The following PCDHA4 variants were observed in gnomAD, a reference collection of about 807,000 sequenced individuals.
PCDHA4 encodes the protein protocadherin alpha 4.
A neutral mutation model predicts 61.4 loss-of-function variants in PCDHA4; 49 were observed. That is an observed-to-expected ratio of 0.80 (90% CI 0.63 to 1.01). The LOEUF (loss-of-function observed/expected upper bound fraction) is 1.01. Ranked by LOEUF, PCDHA4 falls within the 50% of genes least tolerant of loss-of-function variation. The pLI, the probability that PCDHA4 is intolerant of heterozygous loss-of-function variation, is 0.00. For synonymous variants in PCDHA4, 590 were observed against 550.3 expected, an observed-to-expected ratio of 1.07 and a Z score of -1.01; for missense variants, 1,254 against 1,235.8, an observed-to-expected ratio of 1.01 and a Z score of -0.22.
At chr5:140,832,466 T>A (rs1022367825) in intron 1 of PCDHA4, among the ~76,000 whole-genome samples, 6 of 152,304 alleles carry the variant, frequency 3.9e-5, no homozygotes, top group Admixed American at 1.3e-4. Flanking sequence ...CACTAAAATT[T>A]AAAAAAACTA....
At chr5:140,869,628 T>A (rs1562631338) in intron 1 of PCDHA4, 1 of 1,613,700 alleles carries the variant, frequency 6.2e-7, no homozygotes. Flanking sequence ...TAAGTAAAAA[T>A]GAGTATTTTT....
At chr5:140,826,364 C>T (rs1768919207) in intron 1 of PCDHA4, among the ~76,000 whole-genome samples, 1 of 152,040 alleles carries the variant, frequency 6.6e-6, no homozygotes, top group Non-Finnish European at 1.5e-5. Context: ...AAAATAACTG[C>T]AATAGAAAGT....
At chr5:140,902,953 C>T (rs549407032) in intron 1 of PCDHA4, among the ~76,000 whole-genome samples, 24 of 152,278 alleles carry the variant, frequency 1.6e-4, no homozygotes, top group East Asian at 1.3e-3. Flanking sequence ...TCTTTATCCA[C>T]TTGTTGGCTG....
Position 140,938,565 on chromosome 5 carries a change from A to G in PCDHA4, c.2386-40384A>G, listed in dbSNP as rs1347602327. Among the ~76,000 whole-genome samples the G allele has an allele frequency of 2.0e-5, 3 of 151,630 alleles. No individual in the cohort carries two copies. The East Asian group carries it at 5.8e-4, about 29-fold the overall frequency. On this transcript the variant is annotated intron_variant, in intron 1 of 3. Coordinates refer to ENST00000530339, the MANE Select transcript of PCDHA4 (RefSeq NM_018907.4). ...TTTTATCCTTTTATTAATAGCATGC[A>G]TTATATTGGTTGATTTGTTAATGAT...
Position 140,890,095 on chromosome 5 carries a change from C to T in PCDHA4, c.2385+80523C>T, listed in dbSNP as rs1237299507. On this transcript the variant is annotated intron_variant, in intron 1 of 3. Coordinates refer to ENST00000530339, the MANE Select transcript of PCDHA4 (RefSeq NM_018907.4). ...TGAGAACTGATAATGCAAATTTATT[C>T]CCAACTCTGGATTCAATGATGTCAC... Among the ~76,000 whole-genome samples the T allele has an allele frequency of 2.6e-5, 4 of 152,128 alleles. 1 individual carries two copies. The highest frequency in any genetic ancestry group is 1.3e-4 in the Admixed American group (2 of 15,262).
At chr5:140,882,991 AT>A (rs1554176407) in intron 1 of PCDHA4, 2 of 1,614,112 alleles carry the variant, frequency 1.2e-6, no homozygotes, top group Non-Finnish European at 1.7e-6. Flanking sequence ...ACGCCCCGGA[AT>A]TTTACCAATC....
rs1165097192 is a variant in PCDHA4, at chr5:140,945,230, A to G, written c.2386-33719A>G. Among the ~76,000 whole-genome samples the G allele has an allele frequency of 2.6e-5, 4 of 152,290 alleles. No individual in the cohort carries two copies. In the East Asian group the frequency reaches 7.7e-4, roughly 29 times the overall value. On this transcript the variant is annotated intron_variant, in intron 1 of 3. Transcript: ENST00000530339. ...TATGAGAAAATAAAAATACTTAGGA[A>G]TAAATTTAACCAAGAGGATGAAAGA...
intron 1 of PCDHA4, chr5:140,861,780 G>A (rs2047084073): frequency 1.2e-5 from 2 of 161,142 alleles, no homozygotes; most frequent in African/African-American, 2.4e-5. Flanking sequence ...CCAAGAGCAG[G>A]TAAAACCACT....
intron 3 of PCDHA4, among the ~76,000 whole-genome samples, chr5:141,000,006 C>T (rs1453937377): frequency 1.3e-5 from 2 of 151,992 alleles, no homozygotes; most frequent in Admixed American, 1.3e-4. Context: ...TTAGATTGGC[C>T]TCCCCATTGC....
At chr5:140,879,939 T>C (rs1554171083) in intron 1 of PCDHA4, among the ~76,000 whole-genome samples, 1 of 152,194 alleles carries the variant, frequency 6.6e-6, no homozygotes. Flanking sequence ...TGTGATTGTA[T>C]TTAGGGCCCA....
intron 1 of PCDHA4, among the ~76,000 whole-genome samples, chr5:140,946,184 C>T (rs2093899107): frequency 6.6e-6 from 1 of 151,990 alleles, no homozygotes; most frequent in African/African-American, 2.4e-5. Context: ...TGTGAATAGA[C>T]ATTTCTCAAA....
At position 140,849,493 on chromosome 5, in the gene PCDHA4, A is replaced by G. The variant is rs2150439016; in HGVS notation, c.2385+39921A>G. ...AAAGGCTTCCCACCCCTGGCTGGTC[A>G]TTGTACACTTCTTGTGGAAGTTGTG... On this transcript the variant is annotated intron_variant, in intron 1 of 3. Transcript: ENST00000530339. 4.4e-6 allele frequency: 7 copies of G among 1,593,210 alleles called. 2 individuals are homozygous for G. Among genetic ancestry groups the G allele is most frequent in the Non-Finnish European group, 3.4e-6 (4 of 1,164,850 alleles).
chr5:140,895,253 C>CT (rs1411327383), intron 1 of PCDHA4, among the ~76,000 whole-genome samples: 1 of 151,966 alleles, frequency 6.6e-6, no homozygotes. Context: ...TCAAAGCTTT[C>CT]TTTTTTTTCT....
chr5:140,927,632 C>G (rs2084445013), intron 1 of PCDHA4: 2 of 1,614,142 alleles, frequency 1.2e-6, no homozygotes, highest in Non-Finnish European at 1.7e-6. Context: ...GAGACTGCAC[C>G]CAATGGGACT....
intron 1 of PCDHA4, chr5:140,969,476 A>G: frequency 6.8e-7 from 1 of 1,473,576 alleles, no homozygotes; most frequent in Non-Finnish European, 9.0e-7. Context: ...CAATTTGATC[A>G]TAATCTGCTA....
At chr5:140,886,664 A>G (rs1404216677) in intron 1 of PCDHA4, among the ~76,000 whole-genome samples, 1 of 151,922 alleles carries the variant, frequency 6.6e-6, no homozygotes, top group East Asian at 1.9e-4. Flanking sequence ...TGTCTCTACT[A>G]AAAATACAAA....
Position 140,843,585 on chromosome 5 carries a change from C to T in PCDHA4, c.2385+34013C>T, listed in dbSNP as rs2150363108. ...AGCTGGTCATACTCGCAACAACAGC[C>T]GCAGAGGGTGTGCTCTGGTGAGGGG... On this transcript the variant is annotated intron_variant, in intron 1 of 3. Coordinates refer to ENST00000530339, the MANE Select transcript of PCDHA4 (RefSeq NM_018907.4). 2.5e-6 allele frequency: 4 copies of T among 1,596,014 alleles called. No homozygotes were observed. The South Asian group carries it at 4.4e-5, about 18-fold the overall frequency.
intron 1 of PCDHA4, among the ~76,000 whole-genome samples, chr5:140,945,334 A>G (rs1352254498): frequency 6.6e-6 from 1 of 152,134 alleles, no homozygotes; most frequent in Non-Finnish European, 1.5e-5. Flanking sequence ...TTTTATGTTC[A>G]TAGCTTGGAA....
intron 1 of PCDHA4, chr5:140,816,912 T>C (rs1425920836): frequency 2.0e-5 from 3 of 152,200 alleles, no homozygotes; most frequent in Admixed American, 2.0e-4. Flanking sequence ...CCCTCAGTTA[T>C]AGATTCTGCT....
Sources: gnomAD v4.1 joint callset for allele counts (sites outside exome capture counted in the v4.1 genomes callset) on GRCh38, gnomAD v4.1.1 for gene constraint, MANE v1.5 for transcripts, NCBI Gene and HGNC (gene_info 2026-07-23, HGNC 2026-07-21) for gene names.